Variants in FSTL4 observed in about 807,000 individuals in gnomAD.
FSTL4 encodes follistatin like 4.
Under a neutral mutation model 78.2 loss-of-function variants are expected in FSTL4, and 28 were observed. The ratio of observed to expected loss-of-function variants is 0.36; its 90% CI spans 0.27 to 0.49. FSTL4 has a LOEUF of 0.49. FSTL4 is among the 20% of genes least tolerant of loss of function. FSTL4 has a pLI of 0.98. For synonymous variants in FSTL4, 422 were observed against 440.5 expected, an observed-to-expected ratio of 0.96 and a Z score of 0.53; for missense variants, 922 against 1,084.9, an observed-to-expected ratio of 0.85 and a Z score of 2.11.
the FSTL4 span, among the ~76,000 whole-genome samples, chr5:133,768,857 A>T: frequency 1.3e-5 from 2 of 152,234 alleles, no homozygotes; most frequent in Non-Finnish European, 2.9e-5. Flanking sequence ...AGTTAGCTCC[A>T]CTGCTGGGGT....
At chr5:133,446,909 G>A (rs1236202189) in intron 3 of FSTL4, among the ~76,000 whole-genome samples, 2 of 152,222 alleles carry the variant, frequency 1.3e-5, no homozygotes, top group Non-Finnish European at 2.9e-5. Context: ...TGGCTGAGGG[G>A]GTTCTGGAGG....
At chr5:133,599,155 G>C (rs1420429299) in intron 2 of FSTL4, among the ~76,000 whole-genome samples, 4 of 152,188 alleles carry the variant, frequency 2.6e-5, no homozygotes, top group Non-Finnish European at 5.9e-5. Context: ...TAAGAACAGT[G>C]AAAGTGTTTT....
At chr5:133,394,993 G>A (rs1755970275) in intron 4 of FSTL4, among the ~76,000 whole-genome samples, 1 of 152,156 alleles carries the variant, frequency 6.6e-6, no homozygotes, top group African/African-American at 2.4e-5. Context: ...TGGGGACTTG[G>A]AGAACTTTTC....
chr5:133,484,625 C>A (rs903657495), intron 3 of FSTL4, among the ~76,000 whole-genome samples: 4 of 152,160 alleles, frequency 2.6e-5, no homozygotes, highest in African/African-American at 9.7e-5. Context: ...ACCTCCACTG[C>A]TGTATCTGCA....
At chr5:133,271,553 A>G (rs758710300) in intron 6 of FSTL4, among the ~76,000 whole-genome samples, 1 of 152,176 alleles carries the variant, frequency 6.6e-6, no homozygotes, top group Non-Finnish European at 1.5e-5. Context: ...CATCAAGCCC[A>G]GCTAGTGAGA....
At chr5:133,513,126 A>G (rs149105869) in intron 3 of FSTL4, among the ~76,000 whole-genome samples, 1 of 152,290 alleles carries the variant, frequency 6.6e-6, no homozygotes, top group African/African-American at 2.4e-5. Context: ...CGGCCTGGAT[A>G]AGATTTTCTA....
chr5:133,729,819 C>A, the FSTL4 span, among the ~76,000 whole-genome samples: 2 of 152,086 alleles, frequency 1.3e-5, no homozygotes, highest in Non-Finnish European at 2.9e-5. Flanking sequence ...CCCCACCCCC[C>A]AATCCTGAGG....
rs1429518398 is a variant in FSTL4 at position 133,611,272 on chromosome 5, G to C, written c.-11+1053C>G. The stretch of plus-strand genomic sequence containing the variant: ...AGTGCACTTGCCGCGCCGCGCGGAG[G>C]CTCGCCGCGCTCTGGAAAACAAGAA... On this transcript the variant is annotated intron_variant, in intron 1 of 15. Transcript: ENST00000265342. The surrounding 1 kb of genome is among the most constrained non-coding windows in gnomAD (Gnocchi z 4.9). Among the ~76,000 whole-genome samples, 2 of 152,110 alleles carry C rather than the reference G, an allele frequency of 1.3e-5. No individual in the cohort carries two copies. Among genetic ancestry groups the C allele is most frequent in the Non-Finnish European group, 1.5e-5 (1 of 68,000 alleles).
chr5:133,304,690 T>C (rs564898737), intron 6 of FSTL4, among the ~76,000 whole-genome samples: 1 of 152,334 alleles, frequency 6.6e-6, no homozygotes, highest in South Asian at 2.1e-4. Flanking sequence ...ACCATGCAGC[T>C]GTTAGAAGTA....
chr5:133,770,359 ACT>A, the FSTL4 span, among the ~76,000 whole-genome samples: 1 of 151,926 alleles, frequency 6.6e-6, no homozygotes, highest in Non-Finnish European at 1.5e-5. Context: ...GTGTAAGTAT[ACT>A]CTTTTTTCCA....
the FSTL4 span, among the ~76,000 whole-genome samples, chr5:133,675,802 G>A: frequency 2.6e-5 from 4 of 152,190 alleles, no homozygotes; most frequent in South Asian, 2.1e-4. Flanking sequence ...AATTTCACCC[G>A]GGCAGATCTT....
Position 133,216,500 on chromosome 5 carries a change from C to T in FSTL4, c.1608+729G>A, listed in dbSNP as rs556571654. On this transcript the variant is annotated intron_variant, in intron 13 of 15. Coordinates refer to ENST00000265342, the MANE Select transcript of FSTL4 (RefSeq NM_015082.2). ...AGTAGCTGGGATTACAGGCACCTGCCACCACGCCTGGCTAATTTTTTTGTA... is the reference window on the plus strand; with the variant it reads ...AGTAGCTGGGATTACAGGCACCTGCTACCACGCCTGGCTAATTTTTTTGTA... Among the ~76,000 whole-genome samples, 48 of 152,266 alleles carry T rather than the reference C, an allele frequency of 3.2e-4. 1 individual carries two copies. The highest frequency in any genetic ancestry group is 2.9e-3 in the Admixed American group (44 of 15,302).
chr5:133,700,622 T>C, the FSTL4 span, among the ~76,000 whole-genome samples: 353 of 152,336 alleles, frequency 2.3e-3, 5 homozygotes, highest in Admixed American at 6.7e-3. Flanking sequence ...CCAGGAATGA[T>C]ACCCAAACCT....
chr5:133,809,477 G>A, the FSTL4 span, among the ~76,000 whole-genome samples: 2 of 151,668 alleles, frequency 1.3e-5, no homozygotes, highest in Non-Finnish European at 2.9e-5. Context: ...CTCTCAGTCT[G>A]GTGTGTCCCA....
chr5:133,766,073 A>G, the FSTL4 span, among the ~76,000 whole-genome samples: 33 of 152,168 alleles, frequency 2.2e-4, no homozygotes, highest in African/African-American at 7.7e-4. Context: ...TGACTTTGCC[A>G]GATAGGTGCC....
At chr5:133,674,160 C>T in the FSTL4 span, among the ~76,000 whole-genome samples, 1 of 152,308 alleles carries the variant, frequency 6.6e-6, no homozygotes, top group South Asian at 2.1e-4. Flanking sequence ...CAGCGAAGGG[C>T]TCCCCACACT....
At chr5:133,344,573 G>A (rs1441451171) in intron 4 of FSTL4, among the ~76,000 whole-genome samples, 4 of 152,100 alleles carry the variant, frequency 2.6e-5, no homozygotes, top group Non-Finnish European at 4.4e-5. Flanking sequence ...GCTCAAAATC[G>A]TGACATATTT....
the FSTL4 span, among the ~76,000 whole-genome samples, chr5:133,665,661 G>A: frequency 6.6e-6 from 1 of 152,308 alleles, no homozygotes; most frequent in East Asian, 1.9e-4. Context: ...GCCTGGAGAA[G>A]AAGGAGGCTG....
the FSTL4 span, among the ~76,000 whole-genome samples, chr5:133,785,972 G>A: frequency 6.6e-6 from 1 of 152,186 alleles, no homozygotes; most frequent in South Asian, 2.1e-4. Flanking sequence ...ACCTTTGGGG[G>A]ATTTTTGAGG....
Sources: gnomAD v4.1 joint callset for allele counts (sites outside exome capture counted in the v4.1 genomes callset) on GRCh38, gnomAD v4.1.1 for gene constraint, Gnocchi (gnomAD v3.1) non-coding constraint, MANE v1.5 for transcripts, NCBI Gene and HGNC (gene_info 2026-07-23, HGNC 2026-07-21) for gene names.